The following DDX10 variants were observed in gnomAD, a reference collection of about 807,000 sequenced individuals.
DDX10 encodes the protein DEAD-box helicase 10.
In DDX10, 74 loss-of-function variants were observed where a neutral mutation model predicts 104.3. The ratio of observed to expected loss-of-function variants is 0.71; its 90% CI spans 0.59 to 0.86. The LOEUF (loss-of-function observed/expected upper bound fraction) is 0.86, where lower values mean the gene tolerates loss of function less well. Among genes scored for constraint, DDX10 ranks in the 40% least tolerant of loss-of-function variants. DDX10 has a pLI of 0.00. For missense variants in DDX10, 952 were observed against 1,040.0 expected (o/e 0.92, Z 1.16); for synonymous variants, 351 against 353.4 (o/e 0.99, Z 0.08).
chr11:108,778,378 G>A (rs1209321022), intron 13 of DDX10, among the ~76,000 whole-genome samples: 12 of 152,278 alleles, frequency 7.9e-5, no homozygotes, highest in African/African-American at 2.6e-4. Flanking sequence ...AGAGCCCTTG[G>A]AAATAATACC....
chr11:108,896,605 G>T (rs1353114857), intron 16 of DDX10, among the ~76,000 whole-genome samples: 1 of 152,082 alleles, frequency 6.6e-6, no homozygotes, highest in African/African-American at 2.4e-5. Context: ...GAGCATTCCT[G>T]GTTTTTAGCA....
intron 13 of DDX10, among the ~76,000 whole-genome samples, chr11:108,818,848 C>G (rs1297736976): frequency 6.6e-6 from 1 of 152,128 alleles, no homozygotes; most frequent in Non-Finnish European, 1.5e-5. Flanking sequence ...CTCAGACATT[C>G]TTTTGGTGTA....
chr11:108,842,748 A>G (rs1006928361), intron 15 of DDX10, among the ~76,000 whole-genome samples: 2 of 152,230 alleles, frequency 1.3e-5, no homozygotes, highest in East Asian at 1.9e-4. Context: ...GATATTAGCA[A>G]TTTGTTAAAA....
intron 13 of DDX10, among the ~76,000 whole-genome samples, chr11:108,807,307 A>G (rs1862114821): frequency 1.3e-5 from 2 of 152,206 alleles, no homozygotes; most frequent in Admixed American, 6.5e-5. Flanking sequence ...TTTATTGCTT[A>G]GTGACAGGCA....
chr11:108,849,825 C>T (rs1862767277), intron 15 of DDX10, among the ~76,000 whole-genome samples: 1 of 152,086 alleles, frequency 6.6e-6, no homozygotes, highest in Non-Finnish European at 1.5e-5. Flanking sequence ...ATAAGATTCA[C>T]TTATACTTTT....
intron 13 of DDX10, among the ~76,000 whole-genome samples, chr11:108,810,981 ATTTTTCC>A (rs1862172164): frequency 1.3e-5 from 2 of 151,802 alleles, no homozygotes; most frequent in African/African-American, 4.8e-5. Context: ...CATTCTTATC[ATTTTTCC>A]TTGTCTATCT....
At chr11:108,854,094 T>C (rs1195173701) in intron 16 of DDX10, among the ~76,000 whole-genome samples, 1 of 152,136 alleles carries the variant, frequency 6.6e-6, no homozygotes, top group African/African-American at 2.4e-5. Context: ...CTCAAGACAC[T>C]GAGGACTGCC....
intron 6 of DDX10, among the ~76,000 whole-genome samples, chr11:108,686,179 C>T (rs2094243758): frequency 6.6e-6 from 1 of 152,164 alleles, no homozygotes; most frequent in Non-Finnish European, 1.5e-5. Context: ...CATGCAGCCT[C>T]TGCCATTATC....
At chr11:108,882,568 A>G (rs7103452) in intron 16 of DDX10, among the ~76,000 whole-genome samples, 5,880 of 152,250 alleles carry the variant, frequency 0.039, 422 homozygotes, top group African/African-American at 0.13. Context: ...TGACATCTAT[A>G]ATGTAAGCAG....
chr11:108,818,058 C>T (rs182722465), intron 13 of DDX10, among the ~76,000 whole-genome samples: 9 of 152,276 alleles, frequency 5.9e-5, no homozygotes, highest in South Asian at 2.1e-4. Flanking sequence ...AACAACGCCA[C>T]GATATAGCTC....
chr11:108,923,009 T>G (rs1438529725), intron 17 of DDX10, among the ~76,000 whole-genome samples: 1 of 152,224 alleles, frequency 6.6e-6, no homozygotes, highest in Non-Finnish European at 1.5e-5. Flanking sequence ...TCTCTGGCTT[T>G]TTTACTCTTC....
chr11:108,751,358 A>AT (rs2094338501), intron 13 of DDX10, among the ~76,000 whole-genome samples: 1 of 152,110 alleles, frequency 6.6e-6, no homozygotes, highest in Admixed American at 6.6e-5. Flanking sequence ...TTTTTACTTT[A>AT]TTTACAAGAT....
chr11:108,744,305 G>A (rs1011530723), intron 13 of DDX10, among the ~76,000 whole-genome samples: 2 of 152,254 alleles, frequency 1.3e-5, no homozygotes, highest in Admixed American at 1.3e-4. Context: ...CCTAAAAATG[G>A]TTATTTAATG....
At chr11:108,716,894 TGTG>T (rs1174126902) in intron 11 of DDX10, among the ~76,000 whole-genome samples, 1 of 152,216 alleles carries the variant, frequency 6.6e-6, no homozygotes, top group Non-Finnish European at 1.5e-5. Context: ...CTCACATACT[TGTG>T]GTGAGAAATC....
At chr11:108,709,667 T>A (rs1271544071) in intron 10 of DDX10, among the ~76,000 whole-genome samples, 2 of 152,242 alleles carry the variant, frequency 1.3e-5, no homozygotes, top group Admixed American at 6.5e-5. Context: ...CCTTTTGTTT[T>A]CTTAGTATGG....
intron 16 of DDX10, among the ~76,000 whole-genome samples, chr11:108,906,889 G>A (rs1863603691): frequency 6.6e-6 from 1 of 152,156 alleles, no homozygotes; most frequent in Non-Finnish European, 1.5e-5. Flanking sequence ...ATCTCATTTT[G>A]CTAAAAGTCT....
intron 13 of DDX10, among the ~76,000 whole-genome samples, chr11:108,792,581 T>C (rs999689978): frequency 1.3e-5 from 2 of 152,202 alleles, no homozygotes; most frequent in Non-Finnish European, 2.9e-5. Flanking sequence ...TATGAATACA[T>C]TTCTCTTTCT....
intron 9 of DDX10, among the ~76,000 whole-genome samples, chr11:108,696,987 G>C (rs1463208183): frequency 6.6e-6 from 1 of 152,072 alleles, no homozygotes; most frequent in African/African-American, 2.4e-5. Context: ...AACATGCCGT[G>C]GTGAACATTA....
rs538552014 is a variant in DDX10, at chr11:108,705,079, T to C, written c.1224-1660T>C. 5.3e-5 allele frequency among the ~76,000 whole-genome samples: 8 copies of C among 152,342 alleles called. No homozygotes were observed. The South Asian group carries it at 1.7e-3, about 32-fold the overall frequency. ...TTACATATTGGTGGTATTCAATCTCTGTATGCAGAGACATTCTGGGGCCTC... is the reference window on the plus strand; with the variant it reads ...TTACATATTGGTGGTATTCAATCTCCGTATGCAGAGACATTCTGGGGCCTC... On this transcript the variant is annotated intron_variant, in intron 9 of 17. Coordinates refer to ENST00000322536, the MANE Select transcript of DDX10 (RefSeq NM_004398.4).
Sources: allele counts gnomAD v4.1 joint callset (sites outside exome capture counted in the v4.1 genomes callset), GRCh38; gene constraint gnomAD v4.1.1; transcripts MANE v1.5; gene names NCBI Gene and HGNC (gene_info 2026-07-23, HGNC 2026-07-21).